SMG6: variants seen among roughly 807,000 people sequenced by gnomAD.
SMG6 encodes the protein telomerase-binding protein EST1A.
SMG6 carries 66 observed loss-of-function variants against 142.2 expected under a neutral mutation model. The ratio of observed to expected loss-of-function variants is 0.46; its 90% CI spans 0.38 to 0.57. The LOEUF (loss-of-function observed/expected upper bound fraction) is 0.57. Among genes scored for constraint, SMG6 ranks in the 20% least tolerant of loss-of-function variants. The pLI is 0.00. For synonymous variants in SMG6, 779 were observed against 702.4 expected, an observed-to-expected ratio of 1.11 and a Z score of -1.72; for missense variants, 1,793 against 1,832.0, an observed-to-expected ratio of 0.98 and a Z score of 0.39.
chr17:2,126,961 T>G (rs561909237), intron 13 of SMG6, among the ~76,000 whole-genome samples: 1 of 151,494 alleles, frequency 6.6e-6, no homozygotes, highest in African/African-American at 2.4e-5. Flanking sequence ...CACACACACA[T>G]ATACGCGTGA....
intron 10 of SMG6, 109 bp downstream of exon 10, chr17:2,236,383 G>T: frequency 9.3e-7 from 1 of 1,075,084 alleles, no homozygotes. Flanking sequence ...GTGTGTGTTC[G>T]GGGGTGGGGT....
chr17:2,172,992 C>G (rs2071552075), intron 12 of SMG6, 133 bp from the exon 13 acceptor site: 2 of 830,842 alleles, frequency 2.4e-6, no homozygotes, highest in South Asian at 3.4e-5. Flanking sequence ...AAATCATACC[C>G]CAAAAATGCT....
chr17:2,216,163 C>A (rs1002462233), intron 10 of SMG6: 2 of 152,084 alleles, frequency 1.3e-5, no homozygotes, highest in Non-Finnish European at 1.5e-5. Context: ...TCAGGGATCT[C>A]GGGCAAGGTG....
intron 10 of SMG6, among the ~76,000 whole-genome samples, chr17:2,204,261 G>C (rs1003829987): frequency 6.6e-6 from 1 of 152,208 alleles, no homozygotes; most frequent in African/African-American, 2.4e-5. Context: ...GCTTTTTCAG[G>C]AAGCTTCCAG....
chr17:2,221,214 C>T (rs1240098146), intron 10 of SMG6, among the ~76,000 whole-genome samples: 1 of 152,130 alleles, frequency 6.6e-6, no homozygotes, highest in Non-Finnish European at 1.5e-5. Context: ...ATTTCCAGTG[C>T]TGGAGGTGGG....
At chr17:2,135,394 CA>C (rs1206086436) in intron 13 of SMG6, among the ~76,000 whole-genome samples, 27 of 152,248 alleles carry the variant, frequency 1.8e-4, no homozygotes, top group East Asian at 7.7e-4. Flanking sequence ...CCATGCTGTA[CA>C]ACAGATCACA....
At chr17:2,194,151 A>AG (rs1485957534) in intron 10 of SMG6, among the ~76,000 whole-genome samples, 3 of 152,292 alleles carry the variant, frequency 2.0e-5, no homozygotes, top group Admixed American at 6.5e-5. Context: ...TGGTGGATGC[A>AG]GGGGGGACCA....
rs2074536280 is a variant in SMG6 at position 2,271,178 on chromosome 17, A to C, written c.2661+11469T>G. On this transcript the variant is annotated intron_variant, in intron 8 of 18. Transcript: ENST00000263073. Reference sequence around the variant, plus strand: ...AACCCAGGCTGGAGTGCAGTGGTGCAATCTTGGCTCACTACAACCTCTGCC... The same window carrying C: ...AACCCAGGCTGGAGTGCAGTGGTGCCATCTTGGCTCACTACAACCTCTGCC... Among the ~76,000 whole-genome samples the C allele has an allele frequency of 2.0e-5, 3 of 148,556 alleles. No homozygotes were observed. In the Admixed American group the frequency reaches 2.0e-4, roughly 10 times the overall value.
At chr17:2,261,917 T>TCTAAAGGAAAACCTG (rs2074324540) in intron 8 of SMG6, among the ~76,000 whole-genome samples, 1 of 152,146 alleles carries the variant, frequency 6.6e-6, no homozygotes, top group South Asian at 2.1e-4. Flanking sequence ...TGTCCAGAAG[T>TCTAAAGGAAAACCTG]CTAAAGGAAA....
chr17:2,131,531 C>G (rs1403376239), intron 13 of SMG6, among the ~76,000 whole-genome samples: 1 of 152,142 alleles, frequency 6.6e-6, no homozygotes, highest in East Asian at 1.9e-4. Context: ...AACTCCTAAC[C>G]TTGTGATCTG....
intron 12 of SMG6, among the ~76,000 whole-genome samples, chr17:2,178,781 C>CAGCCCCTAG (rs1323038932): frequency 6.6e-6 from 1 of 152,198 alleles, no homozygotes; most frequent in African/African-American, 2.4e-5. Flanking sequence ...TGGGAAAGAG[C>CAGCCCCTAG]AGCCCCTAGG....
At chr17:2,268,890 C>A (rs999411076) in intron 8 of SMG6, among the ~76,000 whole-genome samples, 1 of 144,328 alleles carries the variant, frequency 6.9e-6, no homozygotes, top group African/African-American at 2.6e-5. Context: ...CCAGCCTGGG[C>A]GACAGAGTTA....
intron 8 of SMG6, among the ~76,000 whole-genome samples, chr17:2,259,045 T>G (rs1340476705): frequency 1.3e-5 from 2 of 151,204 alleles, no homozygotes; most frequent in East Asian, 3.9e-4. Context: ...ACCACTGCAC[T>G]CCAGCCTGGG....
At chr17:2,268,716 C>G (rs1054647916) in intron 8 of SMG6, among the ~76,000 whole-genome samples, 7 of 151,762 alleles carry the variant, frequency 4.6e-5, no homozygotes, top group Non-Finnish European at 1.0e-4. Flanking sequence ...TCGAGACCAT[C>G]CTGGCTAATA....
At position 2,292,184 on chromosome 17, in the gene SMG6, G is replaced by GA. The variant is rs371414550; in HGVS notation, c.2337+367dup. Among the ~76,000 whole-genome samples the GA allele has an allele frequency of 6.2e-4, 94 of 152,360 alleles. 1 individual carries two copies. The highest frequency in any genetic ancestry group is 2.1e-3 in the African/African-American group (87 of 41,592). On this transcript the variant is annotated intron_variant, in intron 6 of 18. Transcript: ENST00000263073. ...TTAGAGGTAGGTGAAAACTTTAAGG[G>GA]AGAGAAGTAAGCCTTATTTTTCGTC...
intron 8 of SMG6, among the ~76,000 whole-genome samples, chr17:2,256,837 G>T (rs1218287843): frequency 6.6e-6 from 1 of 152,228 alleles, no homozygotes. Context: ...ATATATACAA[G>T]AAAACTCGTG....
chr17:2,196,156 C>A (rs1320171216), intron 10 of SMG6, among the ~76,000 whole-genome samples: 1 of 152,196 alleles, frequency 6.6e-6, no homozygotes, highest in Non-Finnish European at 1.5e-5. Context: ...CATGGTGACT[C>A]AACGCCTGTA....
At chr17:2,250,088 A>G (rs137943185) in intron 8 of SMG6, among the ~76,000 whole-genome samples, 1 of 152,342 alleles carries the variant, frequency 6.6e-6, no homozygotes, top group African/African-American at 2.4e-5. Flanking sequence ...CAAGCCTTGA[A>G]AGTTATCACT....
At chr17:2,090,687 C>CT (rs777150609) in intron 13 of SMG6, among the ~76,000 whole-genome samples, 1 of 152,194 alleles carries the variant, frequency 6.6e-6, no homozygotes, top group African/African-American at 2.4e-5. Flanking sequence ...TTTTTCTAGT[C>CT]TTAACAGTCC....
Sources: allele counts gnomAD v4.1 joint callset (sites outside exome capture counted in the v4.1 genomes callset), GRCh38; gene constraint gnomAD v4.1.1; transcripts MANE v1.5; gene names NCBI Gene and HGNC (gene_info 2026-07-23, HGNC 2026-07-21).